Variants in MSANTD1 observed in about 807,000 individuals in gnomAD.
MSANTD1 encodes myb/SANT-like DNA-binding domain-containing protein 1.
A neutral mutation model predicts 24.2 loss-of-function variants in MSANTD1; 7 were observed. That is an observed-to-expected ratio of 0.29 (90% CI 0.16 to 0.54). MSANTD1 has a LOEUF of 0.54. MSANTD1 is among the 20% of genes least tolerant of loss of function. The pLI is 0.94. For missense variants in MSANTD1, 384 were observed against 408.2 expected, an observed-to-expected ratio of 0.94 and a Z score of 0.51; for synonymous variants, 177 against 181.1, an observed-to-expected ratio of 0.98 and a Z score of 0.18.
At chr4:3,248,453 G>A (rs1722105800), upstream of MSANTD1, 2 of 152,864 alleles carry the variant, frequency 1.3e-5, no homozygotes, top group African/African-American at 4.8e-5. Flanking sequence ...TCCCTCCTGT[G>A]TCTCAAACAG....
chr4:3,255,760 A>G lies in MSANTD1; in HGVS notation c.632A>G (p.Gln211Arg). 3.2e-6 allele frequency: 5 copies of G among 1,546,692 alleles called. No individual in the cohort carries two copies. Among genetic ancestry groups the G allele is most frequent in the Non-Finnish European group, 4.4e-6 (5 of 1,146,502 alleles). ...CGGCCGGTGAAGAAGCGCAAGGTGC[A>G]GAGCTGCCACCTGCAGAAGAAGCAG... is the stretch of plus-strand genomic sequence containing the variant. ...EERPVKKRKV[Q>R]SCHLQKKQLR... Residue 211 changes from glutamine to arginine, a missense_variant, in exon 3 of 3, where the codon CAG becomes CGG. Gln to Arg is a conservative substitution (Grantham distance 43). Transcript: ENST00000438480.
chr4:3,255,142 G>A (rs1722347514), intron 2 of MSANTD1, among the ~76,000 whole-genome samples: 2 of 152,238 alleles, frequency 1.3e-5, no homozygotes, highest in South Asian at 4.1e-4. Flanking sequence ...CCAGACCGAA[G>A]GGGTGTGGAT....
intron 1 of MSANTD1, among the ~76,000 whole-genome samples, chr4:3,249,859 C>T (rs1482418485): frequency 1.3e-5 from 2 of 152,182 alleles, no homozygotes; most frequent in Non-Finnish European, 1.5e-5. Flanking sequence ...TATGGGCGGT[C>T]TGGGCACTGT....
In MSANTD1 at chr4:3,256,432, G is replaced by A. The variant is rs1722396074; in HGVS notation, c.*467G>A. The A allele has an allele frequency of 1.3e-5, 2 of 152,980 alleles. No individual in the cohort carries two copies. Among genetic ancestry groups the A allele is most frequent in the African/African-American group, 4.8e-5 (2 of 41,446 alleles). The allele number at this position is 152,980 out of a possible 1,614,324, so 9.5% of individuals were successfully genotyped here. On this transcript the variant is annotated 3_prime_UTR_variant, in exon 3 of 3. Transcript: ENST00000438480. ...GGAGCTGGGGGAGCTCTCTCCTGAA[G>A]GGAACCCTGTGTCCTCCCTCACCAG...
chr4:3,253,546 G>A, intron 2 of MSANTD1, 64 bp downstream of exon 2: 3 of 1,419,356 alleles, frequency 2.1e-6, no homozygotes, highest in Non-Finnish European at 2.8e-6. Flanking sequence ...TTAGAGAAAG[G>A]GACTGGGAGT....
intron 2 of MSANTD1, among the ~76,000 whole-genome samples, chr4:3,254,019 T>C (rs543279316): frequency 2.1e-4 from 32 of 152,336 alleles, no homozygotes; most frequent in African/African-American, 7.5e-4. Flanking sequence ...CGTCCCGTGC[T>C]GGCCACGTGA....
upstream of MSANTD1, chr4:3,246,661 C>T (rs1722037987): frequency 2.9e-6 from 2 of 698,100 alleles, no homozygotes; most frequent in Non-Finnish European, 5.2e-6. Context: ...GGCCATGCAG[C>T]TTTGCCAAGG....
chr4:3,246,588 A>G (rs2110316224), upstream of MSANTD1: 4 of 661,700 alleles, frequency 6.0e-6, no homozygotes, highest in Non-Finnish European at 1.1e-5. Flanking sequence ...CTTCTCCCTC[A>G]GGTGCTGCTG....
upstream of MSANTD1, chr4:3,244,569 C>G (rs181662241): frequency 6.6e-6 from 1 of 152,326 alleles, no homozygotes. Context: ...GAACCAGCGC[C>G]TACTCCAAGA....
chr4:3,245,111 C>G (rs1721979956), upstream of MSANTD1: 1 of 152,318 alleles, frequency 6.6e-6, no homozygotes, highest in African/African-American at 2.4e-5. Flanking sequence ...GTGTGGACAG[C>G]CTGGCACACT....
At chr4:3,250,217 C>T (rs960056894) in intron 1 of MSANTD1, among the ~76,000 whole-genome samples, 2 of 152,190 alleles carry the variant, frequency 1.3e-5, no homozygotes, top group Admixed American at 6.5e-5. Flanking sequence ...GGAGGCCTGC[C>T]CTGGCCCAGG....
upstream of MSANTD1, chr4:3,246,634 G>T (rs141929664): frequency 2.9e-6 from 2 of 696,432 alleles, no homozygotes; most frequent in South Asian, 3.0e-5. Context: ...ACCCCGTAGC[G>T]ACTGAGGGTC....
At chr4:3,253,180 C>G (rs576661132) in intron 1 of MSANTD1, 27 bp from the exon 2 acceptor site, 1 of 1,522,400 alleles carries the variant, frequency 6.6e-7, no homozygotes, top group Non-Finnish European at 8.9e-7. Flanking sequence ...TGTTTCTCAC[C>G]CTTGGCTCTT....
intron 2 of MSANTD1, among the ~76,000 whole-genome samples, chr4:3,255,037 C>T (rs1722343189): frequency 6.6e-6 from 1 of 152,176 alleles, no homozygotes; most frequent in Admixed American, 6.5e-5. Flanking sequence ...CCCTGGCCCC[C>T]AACTGGGGCT....
chr4:3,251,389 A>G (rs1270957470), intron 1 of MSANTD1, among the ~76,000 whole-genome samples: 1 of 152,210 alleles, frequency 6.6e-6, no homozygotes, highest in African/African-American at 2.4e-5. Flanking sequence ...GGAGGCTGAG[A>G]GATGAGGGTG....
chr4:3,249,919 G>C (rs1722167821), intron 1 of MSANTD1, among the ~76,000 whole-genome samples: 1 of 152,190 alleles, frequency 6.6e-6, no homozygotes, highest in African/African-American at 2.4e-5. Context: ...CTCACACCCT[G>C]CTCCCCCATA....
At chr4:3,254,662 G>A (rs1239031621) in intron 2 of MSANTD1, among the ~76,000 whole-genome samples, 5 of 152,202 alleles carry the variant, frequency 3.3e-5, no homozygotes, top group African/African-American at 7.2e-5. Flanking sequence ...CTGAGACCAC[G>A]GGTGGCCCCT....
At chr4:3,250,444 G>A (rs1423166615) in intron 1 of MSANTD1, among the ~76,000 whole-genome samples, 3 of 152,192 alleles carry the variant, frequency 2.0e-5, no homozygotes. Flanking sequence ...GGGTGGGCAG[G>A]GGTCATGGTG....
chr4:3,249,658 T>C, intron 1 of MSANTD1, 116 bp downstream of exon 1: 2 of 1,052,378 alleles, frequency 1.9e-6, no homozygotes, highest in South Asian at 3.1e-5. Context: ...GGCCTGCCTG[T>C]CGGTCTCCTC....
Sources: allele counts gnomAD v4.1 joint callset (sites outside exome capture counted in the v4.1 genomes callset), GRCh38; gene constraint gnomAD v4.1.1; transcripts MANE v1.5; gene names NCBI Gene and HGNC (gene_info 2026-07-23, HGNC 2026-07-21).